Variants in TIMM21 observed in about 807,000 individuals in gnomAD.
TIMM21 encodes the protein mitochondrial import inner membrane translocase subunit Tim21.
A neutral mutation model predicts 27.7 loss-of-function variants in TIMM21; 30 were observed. The observed-to-expected ratio is 1.08, with a 90% CI of 0.81 to 1.47. The LOEUF is 1.47. TIMM21 is among the 40% of genes most tolerant of loss of function. The pLI, the probability that TIMM21 is intolerant of heterozygous loss-of-function variation, is 0.00. For synonymous variants in TIMM21, 121 were observed against 114.4 expected, an observed-to-expected ratio of 1.06 and a Z score of -0.37; for missense variants, 292 against 302.9, an observed-to-expected ratio of 0.96 and a Z score of 0.27.
rs1980062729 is a variant in TIMM21, at chr18:74,160,170, A to G, written c.*1690A>G. ...CCTATCTACTAAAAATTCAAAAAAA[A>G]AAAAATTAACCAGGCACGTTGACAC... On this transcript the variant is annotated 3_prime_UTR_variant, in exon 6 of 6. Transcript: ENST00000169551. 1 of 152,020 alleles carries G rather than the reference A, an allele frequency of 6.6e-6. No individual in the cohort carries two copies. The highest frequency in any genetic ancestry group is 1.9e-4 in the East Asian group (1 of 5,168). 9.4% of individuals were successfully genotyped at this position (152,020 alleles called of 1,614,324 possible). A position where few individuals can be genotyped will look rare whatever the true frequency, so the allele number is the denominator to read the frequency against.
intron 3 of TIMM21, among the ~76,000 whole-genome samples, chr18:74,156,086 A>C (rs977592768): frequency 6.6e-6 from 1 of 152,318 alleles, no homozygotes; most frequent in Admixed American, 6.5e-5. Flanking sequence ...CCTTCCAGTC[A>C]CACGTAGCCG....
At position 74,152,849 on chromosome 18, in the gene TIMM21, T is replaced by A. The variant is rs1218857262; in HGVS notation, c.302-2296T>A. ...GGGAGAGGCCGAAGTGCATTTGCAG[T>A]TGGGGCCTCAGCTGCTGCTCTGGGG... On this transcript the variant is annotated intron_variant, in intron 1 of 5. Transcript: ENST00000169551. This position sits in a 1 kb window ranked among gnomAD's most constrained non-coding sequence, Gnocchi z 4.1. 1.3e-5 allele frequency among the ~76,000 whole-genome samples: 2 copies of A among 152,190 alleles called. No homozygotes were observed. Among genetic ancestry groups the A allele is most frequent in the African/African-American group, 4.8e-5 (2 of 41,442 alleles).
intron 1 of TIMM21, among the ~76,000 whole-genome samples, chr18:74,153,504 A>C (rs187466643): frequency 6.6e-5 from 10 of 152,346 alleles, no homozygotes; most frequent in Middle Eastern, 3.4e-3. Context: ...CTGGCAGGTA[A>C]TATTTATTGA....
At chr18:74,150,685 G>T (rs561767732) in intron 1 of TIMM21, among the ~76,000 whole-genome samples, 3 of 152,284 alleles carry the variant, frequency 2.0e-5, no homozygotes, top group East Asian at 3.9e-4. Context: ...ACCATTTGTG[G>T]TATTACATGT....
rs1294735926 is a variant in TIMM21, at chr18:74,159,195, A to T, written c.*715A>T. 1 of 151,338 alleles carries T rather than the reference A, an allele frequency of 6.6e-6. No homozygotes were observed. Among genetic ancestry groups the T allele is most frequent in the Middle Eastern group, 3.2e-3 (1 of 316 alleles). The allele number at this position is 151,338 out of a possible 1,614,324, so 9.4% of individuals were successfully genotyped here. A position where few individuals can be genotyped will look rare whatever the true frequency, so the allele number is the denominator to read the frequency against. ...ATGAAGTGCCCTCATCCCCTTTAGA[A>T]CTTACTTGCACTGATACTTCTGACT... On this transcript the variant is annotated 3_prime_UTR_variant, in exon 6 of 6. Transcript: ENST00000169551.
At chr18:74,153,945 G>C (rs1979877323) in intron 1 of TIMM21, among the ~76,000 whole-genome samples, 1 of 151,892 alleles carries the variant, frequency 6.6e-6, no homozygotes, top group African/African-American at 2.4e-5. Flanking sequence ...ATAATGCCAG[G>C]AGGTGACTCA....
At position 74,149,003 on chromosome 18, in the gene TIMM21, C is replaced by A; in HGVS notation, c.195C>A (p.Ile65=). The change falls in exon 1 of 6, where the codon ATC becomes ATA. Residue 65 remains isoleucine, a synonymous_variant. Transcript: ENST00000169551. ...RCILGVTQKT[I]WTQGPSPRKA... is the part of the protein sequence containing the mutation. Reference sequence around the variant, plus strand: ...TTCTTGGAGTCACCCAGAAAACCATCTGGACGCAGGGACCGAGCCCCCGAA... The same window carrying A: ...TTCTTGGAGTCACCCAGAAAACCATATGGACGCAGGGACCGAGCCCCCGAA... 1 of 1,614,158 alleles carries A rather than the reference C, an allele frequency of 6.2e-7. No homozygotes were observed. The highest frequency in any genetic ancestry group is 8.5e-7 in the Non-Finnish European group (1 of 1,180,036).
At chr18:74,149,223 A>C (rs1191087158) in intron 1 of TIMM21, 114 bp downstream of exon 1, 1 of 1,232,086 alleles carries the variant, frequency 8.1e-7, no homozygotes, top group African/African-American at 1.5e-5. Context: ...ATGAATTTTT[A>C]AAAACCGTTT....
At chr18:74,150,702 C>T (rs921414980) in intron 1 of TIMM21, among the ~76,000 whole-genome samples, 18 of 152,164 alleles carry the variant, frequency 1.2e-4, no homozygotes, top group Non-Finnish European at 2.5e-4. Context: ...ATGTGTACCC[C>T]GGCTGCCACT....
Position 74,158,107 on chromosome 18 carries a change from G to A in TIMM21, c.536+20G>A. 6.2e-7 allele frequency: 1 copy of A among 1,614,122 alleles called. No homozygotes were observed. The highest frequency in any genetic ancestry group is 1.1e-5 in the South Asian group (1 of 91,080). On this transcript the variant is annotated intron_variant, in intron 4 of 5. Transcript: ENST00000169551. ...TGTCAGGTACTGTGGCTTGAATTCA[G>A]AGGAGGCTCTGGGGAGATTTTTAAA...
rs534287771 is a variant in TIMM21 at position 74,152,227 on chromosome 18, T to C, written c.302-2918T>C. On this transcript the variant is annotated intron_variant, in intron 1 of 5. Coordinates refer to ENST00000169551, the MANE Select transcript of TIMM21 (RefSeq NM_014177.3). The surrounding 1 kb of genome is among the most constrained non-coding windows in gnomAD (Gnocchi z 4.1). Reference sequence around the variant, plus strand: ...ACCTCAAGGGCCCCCTACCCAGCTTTAGGTTGCCTTTCCTCCCAAATCAGG... The same window carrying C: ...ACCTCAAGGGCCCCCTACCCAGCTTCAGGTTGCCTTTCCTCCCAAATCAGG... 6.6e-6 allele frequency among the ~76,000 whole-genome samples: 1 copy of C among 152,234 alleles called. No homozygotes were observed. The highest frequency in any genetic ancestry group is 2.1e-4 in the South Asian group (1 of 4,820).
At position 74,159,072 on chromosome 18, in the gene TIMM21, A is replaced by G. The variant is rs1186644896; in HGVS notation, c.*592A>G. On this transcript the variant is annotated 3_prime_UTR_variant, in exon 6 of 6. Transcript: ENST00000169551. ...TTGGGTAGACCTGGGCACCCACCCC[A>G]CCTTTTCTAGCAGGTGCGTGGTCAA... is the stretch of plus-strand genomic sequence containing the variant. 1 of 153,912 alleles carries G rather than the reference A, an allele frequency of 6.5e-6. No individual in the cohort carries two copies. Among genetic ancestry groups the G allele is most frequent in the African/African-American group, 2.4e-5 (1 of 41,402 alleles). 9.5% of individuals were successfully genotyped at this position (153,912 alleles called of 1,614,324 possible).
At chr18:74,157,069 T>A (rs1244941838) in intron 3 of TIMM21, 1 of 152,056 alleles carries the variant, frequency 6.6e-6, no homozygotes, top group African/African-American at 2.4e-5. Flanking sequence ...TTTCGTAGAG[T>A]TGAGGGTCAA....
chr18:74,149,269 G>A (rs1283075332), intron 1 of TIMM21, among the ~76,000 whole-genome samples, 160 bp downstream of exon 1: 1 of 152,182 alleles, frequency 6.6e-6, no homozygotes, highest in Non-Finnish European at 1.5e-5. Flanking sequence ...TAGATCTACA[G>A]TTTTCTTCAC....
rs752490870 is a variant in TIMM21, at chr18:74,152,803, A to C, written c.302-2342A>C. On this transcript the variant is annotated intron_variant, in intron 1 of 5. Coordinates refer to ENST00000169551, the MANE Select transcript of TIMM21 (RefSeq NM_014177.3). The surrounding 1 kb of genome is among the most constrained non-coding windows in gnomAD (Gnocchi z 4.1). Reference sequence around the variant, plus strand: ...CTCTCAGAATACGTCTTGAGGGATGAGGGAAGCAGGACTGGGCAGAGGGAG... The same window carrying C: ...CTCTCAGAATACGTCTTGAGGGATGCGGGAAGCAGGACTGGGCAGAGGGAG... Among the ~76,000 whole-genome samples the C allele has an allele frequency of 2.0e-5, 3 of 152,206 alleles. No individual in the cohort carries two copies. Among genetic ancestry groups the C allele is most frequent in the Non-Finnish European group, 4.4e-5 (3 of 68,038 alleles).
chr18:74,157,976 A>C, intron 3 of TIMM21, 38 bp from the exon 4 acceptor site: 1 of 1,598,596 alleles, frequency 6.3e-7, no homozygotes, highest in Non-Finnish European at 8.5e-7. Flanking sequence ...GAAGCTTAAA[A>C]AAATAACACA....
At chr18:74,150,923 CT>C (rs1328819988) in intron 1 of TIMM21, among the ~76,000 whole-genome samples, 1 of 152,212 alleles carries the variant, frequency 6.6e-6, no homozygotes, top group Non-Finnish European at 1.5e-5. Flanking sequence ...TTCCATTTGA[CT>C]TTTCCCACTG....
In TIMM21 at chr18:74,149,090, C is replaced by G; in HGVS notation, c.282C>G (p.Ala94=). The G allele has an allele frequency of 1.9e-6, 3 of 1,609,502 alleles. No homozygotes were observed. The highest frequency in any genetic ancestry group is 1.7e-6 in the Non-Finnish European group (2 of 1,176,826). Reference sequence around the variant, plus strand: ...ACAGGAGTCAGAGAGGGGGAACCGCCGTCCCAACATCACAAAAAGGTAAAA... The same window carrying G: ...ACAGGAGTCAGAGAGGGGGAACCGCGGTCCCAACATCACAAAAAGGTAAAA... The part of the protein sequence containing the change: ...SVHRSQRGGT[A]VPTSQKVKEA... Residue 94 remains alanine (A), a synonymous_variant, in exon 1 of 6, where the codon GCC becomes GCG. Coordinates refer to ENST00000169551, the MANE Select transcript of TIMM21 (RefSeq NM_014177.3).
At chr18:74,151,944 C>CCCG (rs1555682314) in intron 1 of TIMM21, among the ~76,000 whole-genome samples, 5 of 144,612 alleles carry the variant, frequency 3.5e-5, no homozygotes, top group Non-Finnish European at 6.0e-5. Flanking sequence ...TGTTCCCCCC[C>CCCG]CCCCCGGGGG....
Sources: gnomAD v4.1 joint callset for allele counts (sites outside exome capture counted in the v4.1 genomes callset) on GRCh38, gnomAD v4.1.1 for gene constraint, Gnocchi (gnomAD v3.1) non-coding constraint, MANE v1.5 for transcripts, NCBI Gene and HGNC (gene_info 2026-07-23, HGNC 2026-07-21) for gene names.